The following ADAMTS12 variants were observed in gnomAD, a reference collection of about 807,000 sequenced individuals.
ADAMTS12 encodes the protein A disintegrin and metalloproteinase with thrombospondin motifs 12.
Under a neutral mutation model 167.8 loss-of-function variants are expected in ADAMTS12, and 118 were observed. That is an observed-to-expected ratio of 0.70 (90% CI 0.61 to 0.82). The LOEUF (loss-of-function observed/expected upper bound fraction) is 0.82, where lower values mean the gene tolerates loss of function less well. Among genes scored for constraint, ADAMTS12 ranks in the 40% least tolerant of loss-of-function variants. The pLI is 0.00. For synonymous variants in ADAMTS12, 704 were observed against 716.9 expected, an observed-to-expected ratio of 0.98 and a Z score of 0.29; for missense variants, 1,916 against 1,998.8, an observed-to-expected ratio of 0.96 and a Z score of 0.79.
At chr5:33,681,152 G>T (rs1742097272) in intron 5 of ADAMTS12, among the ~76,000 whole-genome samples, 1 of 152,180 alleles carries the variant, frequency 6.6e-6, no homozygotes, top group African/African-American at 2.4e-5. Flanking sequence ...GAAGGGAAAT[G>T]ACATACCCAT....
At chr5:33,617,394 G>A (rs1232711293) in intron 14 of ADAMTS12, among the ~76,000 whole-genome samples, 1 of 152,066 alleles carries the variant, frequency 6.6e-6, no homozygotes, top group Admixed American at 6.6e-5. Context: ...GGTCCTAGGG[G>A]TCAAACTGTG....
chr5:33,866,509 G>T (rs959728008), intron 2 of ADAMTS12, among the ~76,000 whole-genome samples: 2 of 151,956 alleles, frequency 1.3e-5, no homozygotes, highest in African/African-American at 4.8e-5. Flanking sequence ...AGAAACCTAG[G>T]AAAAACTCTT....
intron 23 of ADAMTS12, 55 bp downstream of exon 23, chr5:33,534,778 C>T: frequency 6.4e-7 from 1 of 1,554,870 alleles, no homozygotes; most frequent in Non-Finnish European, 8.7e-7. Context: ...TTGTATCATG[C>T]AGGATGACAT....
chr5:33,574,807 A>G (rs556697555), intron 19 of ADAMTS12, among the ~76,000 whole-genome samples: 153 of 152,250 alleles, frequency 1.0e-3, no homozygotes, highest in African/African-American at 3.4e-3. Context: ...TACTTTATAA[A>G]TTGTTATACT....
chr5:33,528,527 C>T (rs1743930378), intron 23 of ADAMTS12, among the ~76,000 whole-genome samples: 1 of 152,236 alleles, frequency 6.6e-6, no homozygotes, highest in African/African-American at 2.4e-5. Flanking sequence ...CAGTGTCTTC[C>T]ATGCTTCACT....
At chr5:33,799,360 T>C (rs1746905911) in intron 2 of ADAMTS12, among the ~76,000 whole-genome samples, 2 of 152,212 alleles carry the variant, frequency 1.3e-5, no homozygotes, top group African/African-American at 2.4e-5. Context: ...CTGAGACTCA[T>C]TCTACCTCAC....
At chr5:33,578,336 G>A (rs10042589) in intron 18 of ADAMTS12, among the ~76,000 whole-genome samples, 38,420 of 152,114 alleles carry the variant, frequency 0.25, 5,110 homozygotes, top group South Asian at 0.28. Context: ...CAAGTGAGGA[G>A]CCTGAGGCCC....
chr5:33,661,904 T>C lies in ADAMTS12; in HGVS notation c.1040+12A>G, dbSNP rs372023548. 1 of 1,612,826 alleles carries C rather than the reference T, an allele frequency of 6.2e-7. No homozygotes were observed. Among genetic ancestry groups the C allele is most frequent in the African/African-American group, 1.3e-5 (1 of 74,850 alleles). On this transcript the variant is annotated intron_variant, in intron 6 of 23. Transcript: ENST00000504830. ...TTTACTGCCCCTGGGTTTCATGTAG[T>C]CTCTGGTGTACCTGGTGAGAAGGAC... is the stretch of plus-strand genomic sequence containing the variant.
At chr5:33,888,783 T>C (rs549064424) in intron 1 of ADAMTS12, among the ~76,000 whole-genome samples, 3 of 152,308 alleles carry the variant, frequency 2.0e-5, no homozygotes, top group East Asian at 3.9e-4. Flanking sequence ...GTGTGCAAGA[T>C]TAATATTTCC....
At position 33,730,923 on chromosome 5, in the gene ADAMTS12, G is replaced by A. The variant is rs1744168402; in HGVS notation, c.634+20481C>T. Among the ~76,000 whole-genome samples the A allele has an allele frequency of 3.9e-5, 6 of 152,246 alleles. No homozygotes were observed. In the South Asian group the frequency reaches 1.0e-3, roughly 26 times the overall value. ...ATAGCAGAAGGGTTGAGAATAACGGGTACTAGCTCAGGAGTCAGACAGACC... is the reference window on the plus strand; with the variant it reads ...ATAGCAGAAGGGTTGAGAATAACGGATACTAGCTCAGGAGTCAGACAGACC... On this transcript the variant is annotated intron_variant, in intron 3 of 23. Coordinates refer to ENST00000504830, the MANE Select transcript of ADAMTS12 (RefSeq NM_030955.4).
chr5:33,643,174 G>C (rs528232412), intron 10 of ADAMTS12, among the ~76,000 whole-genome samples: 1 of 152,298 alleles, frequency 6.6e-6, no homozygotes, highest in East Asian at 1.9e-4. Context: ...CTGGACCTCA[G>C]CCCTCCCTCC....
At chr5:33,752,282 T>C (rs936447630) in intron 2 of ADAMTS12, among the ~76,000 whole-genome samples, 4 of 152,226 alleles carry the variant, frequency 2.6e-5, no homozygotes, top group African/African-American at 9.6e-5. Context: ...TTTGAGGTGC[T>C]TAGAAAACTG....
intron 7 of ADAMTS12, among the ~76,000 whole-genome samples, chr5:33,652,200 A>G (rs2112198099): frequency 6.6e-6 from 1 of 152,270 alleles, no homozygotes; most frequent in East Asian, 1.9e-4. Flanking sequence ...AGAAACCTCC[A>G]TACTGTTTCC....
At position 33,588,713 on chromosome 5, in the gene ADAMTS12, G is replaced by T. The variant is rs932033088; in HGVS notation, c.2751C>A (p.Asp917Glu). 3 of 1,614,098 alleles carry T rather than the reference G, an allele frequency of 1.9e-6. No homozygotes were observed. In the African/African-American group the frequency reaches 4.0e-5, roughly 22 times the overall value. Residue 917 changes from aspartate to glutamate, a missense_variant, in exon 18 of 24, where the codon GAC becomes GAA. Coordinates refer to ENST00000504830, the MANE Select transcript of ADAMTS12 (RefSeq NM_030955.4). ...TVLCIQTMVSDEQALPPTDCQ... is the reference protein window; with the variant it reads ...TVLCIQTMVSEEQALPPTDCQ... ...AGTCTGTGGGCGGGAGAGCCTGCTC[G>T]TCAGAGACCATGGTCTGGATGCACA...
At chr5:33,770,815 CCTTCCTCTTCTT>C (rs899653437) in intron 2 of ADAMTS12, among the ~76,000 whole-genome samples, 78 of 150,846 alleles carry the variant, frequency 5.2e-4, no homozygotes, top group African/African-American at 1.9e-3. Context: ...TTCTTCTTCT[CCTTCCTCTTCTT>C]CTTCCTCTTC....
chr5:33,741,017 T>C (rs1477387952), intron 3 of ADAMTS12, among the ~76,000 whole-genome samples: 1 of 152,250 alleles, frequency 6.6e-6, no homozygotes, highest in African/African-American at 2.4e-5. Context: ...GAACTCTTTC[T>C]AGTGTAAGGC....
intron 2 of ADAMTS12, among the ~76,000 whole-genome samples, chr5:33,833,353 A>G (rs529841301): frequency 6.6e-6 from 1 of 152,204 alleles, no homozygotes; most frequent in African/African-American, 2.4e-5. Flanking sequence ...CCACACAGCA[A>G]GGAAACACGA....
At chr5:33,547,064 C>G (rs1047247681) in intron 21 of ADAMTS12, among the ~76,000 whole-genome samples, 1 of 152,190 alleles carries the variant, frequency 6.6e-6, no homozygotes, top group Non-Finnish European at 1.5e-5. Context: ...AATATTCCAG[C>G]TTTGAGAATC....
chr5:33,605,407 T>C (rs748979154), intron 16 of ADAMTS12, among the ~76,000 whole-genome samples: 2 of 152,224 alleles, frequency 1.3e-5, no homozygotes, highest in Non-Finnish European at 2.9e-5. Flanking sequence ...AAAAAAGATA[T>C]AATTTCTATT....
Sources: gnomAD v4.1 joint callset for allele counts (sites outside exome capture counted in the v4.1 genomes callset) on GRCh38, gnomAD v4.1.1 for gene constraint, MANE v1.5 for transcripts, NCBI Gene and HGNC (gene_info 2026-07-23, HGNC 2026-07-21) for gene names.